Variants in RPH3AL observed in about 807,000 individuals in gnomAD.
RPH3AL encodes rabphilin 3A like (without C2 domains).
RPH3AL carries 38 observed loss-of-function variants against 43.1 expected under a neutral mutation model. The ratio of observed to expected loss-of-function variants is 0.88; its 90% CI spans 0.68 to 1.15. The LOEUF (loss-of-function observed/expected upper bound fraction) is 1.15. RPH3AL is among the 50% of genes most tolerant of loss of function. The pLI, the probability that RPH3AL is intolerant of heterozygous loss-of-function variation, is 0.00. For missense variants in RPH3AL, 462 were observed against 423.2 expected (o/e 1.09, Z -0.81); for synonymous variants, 189 against 176.3 (o/e 1.07, Z -0.57).
chr17:298,239 T>C (rs969086178), intron 5 of RPH3AL, among the ~76,000 whole-genome samples: 2 of 152,168 alleles, frequency 1.3e-5, no homozygotes, highest in African/African-American at 2.4e-5. Context: ...CAGCTCAGTG[T>C]GGGGTGCTGG....
chr17:292,638 C>T (rs889828898), intron 5 of RPH3AL, among the ~76,000 whole-genome samples: 1 of 152,146 alleles, frequency 6.6e-6, no homozygotes, highest in Non-Finnish European at 1.5e-5. Context: ...CTGGCTAGCA[C>T]ACTCTTGCAG....
intron 2 of RPH3AL, among the ~76,000 whole-genome samples, chr17:329,036 T>C (rs2044684081): frequency 6.6e-6 from 1 of 152,188 alleles, no homozygotes. Flanking sequence ...CGTAAAAATG[T>C]TCTGGATTAG....
chr17:315,057 A>T (rs1313050410), intron 5 of RPH3AL, among the ~76,000 whole-genome samples: 3 of 142,714 alleles, frequency 2.1e-5, no homozygotes, highest in South Asian at 2.3e-4. Flanking sequence ...ACCTCCACTG[A>T]ACTGTAGTCC....
intron 7 of RPH3AL, among the ~76,000 whole-genome samples, chr17:233,482 G>A (rs1423631976): frequency 6.6e-6 from 1 of 152,156 alleles, no homozygotes. Flanking sequence ...GTCACGTTGG[G>A]CCACCTCCAT....
At chr17:331,074 C>CGAGGGAGGG (rs1555527291) in intron 2 of RPH3AL, 2 of 95,358 alleles carry the variant, frequency 2.1e-5, no homozygotes, top group Non-Finnish European at 2.4e-5. Flanking sequence ...GCGAGGGAGG[C>CGAGGGAGGG]AAGCGAGGGA....
chr17:313,833 G>A (rs2043722626), intron 5 of RPH3AL, among the ~76,000 whole-genome samples: 1 of 152,074 alleles, frequency 6.6e-6, no homozygotes. Flanking sequence ...AAGGAAGAGT[G>A]AACCCTCCAA....
At chr17:231,597 C>T (rs937232346) in intron 7 of RPH3AL, among the ~76,000 whole-genome samples, 6 of 152,236 alleles carry the variant, frequency 3.9e-5, no homozygotes, top group African/African-American at 9.6e-5. Flanking sequence ...ACTTAGTCCC[C>T]GAGACAGGTG....
intron 7 of RPH3AL, among the ~76,000 whole-genome samples, chr17:239,562 T>C (rs2041479093): frequency 6.6e-6 from 1 of 152,180 alleles, no homozygotes; most frequent in Non-Finnish European, 1.5e-5. Flanking sequence ...TTTCAGTAAC[T>C]TTATAGTAAG....
rs374598837 is a variant in RPH3AL at position 258,277 on chromosome 17, C to T, written c.439-10992G>A. 3.9e-5 allele frequency among the ~76,000 whole-genome samples: 6 copies of T among 152,326 alleles called. No individual in the cohort carries two copies. The South Asian group carries it at 8.3e-4, about 21-fold the overall frequency. On this transcript the variant is annotated intron_variant, in intron 6 of 9. Transcript: ENST00000331302. Reference sequence around the variant, plus strand: ...CACCACTGTTTCTTCAAGCTCCTAGCACACGCCTCACACATCGTAGGTGTT... The same window carrying T: ...CACCACTGTTTCTTCAAGCTCCTAGTACACGCCTCACACATCGTAGGTGTT...
At chr17:285,424 G>A (rs1001840722) in intron 5 of RPH3AL, among the ~76,000 whole-genome samples, 4 of 152,180 alleles carry the variant, frequency 2.6e-5, no homozygotes, top group African/African-American at 9.7e-5. Flanking sequence ...GATCAACTGA[G>A]ACACAGGAAA....
In RPH3AL at chr17:215,047, G is replaced by A. The variant is rs796284574; in HGVS notation, c.876+607C>T. Among the ~76,000 whole-genome samples, 47 of 152,288 alleles carry A rather than the reference G, an allele frequency of 3.1e-4. No homozygotes were observed. Among genetic ancestry groups the A allele is most frequent in the East Asian group, 9.7e-4 (5 of 5,180 alleles). On this transcript the variant is annotated intron_variant, in intron 9 of 9. Transcript: ENST00000331302. The surrounding 1 kb of genome is among the most constrained non-coding windows in gnomAD (Gnocchi z 4.1). ...GGCTGCCGGGTGCCCTCCACACCCCGGGGACGGAGATCAGCTGCTGCCCTG... is the reference window on the plus strand; with the variant it reads ...GGCTGCCGGGTGCCCTCCACACCCCAGGGACGGAGATCAGCTGCTGCCCTG...
At chr17:258,402 G>A (rs2042116113) in intron 6 of RPH3AL, among the ~76,000 whole-genome samples, 1 of 152,220 alleles carries the variant, frequency 6.6e-6, no homozygotes, top group South Asian at 2.1e-4. Context: ...AGAAGCCTGG[G>A]TGTTTCACTC....
In RPH3AL at chr17:245,742, C is replaced by T. The variant is rs900043951; in HGVS notation, c.613+1369G>A. Among the ~76,000 whole-genome samples, 4 of 152,064 alleles carry T rather than the reference C, an allele frequency of 2.6e-5. No homozygotes were observed. The highest frequency in any genetic ancestry group is 6.5e-5 in the Admixed American group (1 of 15,274). ...GGACCGCCACTTCTCCAGCCAATCT[C>T]GGGCCACTCAGTTCCAGGCTGGGCA... On this transcript the variant is annotated intron_variant, in intron 7 of 9. Transcript: ENST00000331302. This position sits in a 1 kb window ranked among gnomAD's most constrained non-coding sequence, Gnocchi z 5.9.
rs1484039348 is a variant in RPH3AL at position 243,913 on chromosome 17, T to C, written c.613+3198A>G. Among the ~76,000 whole-genome samples the C allele has an allele frequency of 6.3e-5, 9 of 142,910 alleles. 1 individual carries two copies. In the South Asian group the frequency reaches 1.7e-3, roughly 27 times the overall value. The allele number at this position is 142,910 out of a possible 152,430, so 93.8% of individuals were successfully genotyped here. A position where few individuals can be genotyped will look rare whatever the true frequency, so the allele number is the denominator to read the frequency against. ...ACACTTCCTCTATTACCTTCCTCTA[T>C]TGATTACCTTCCTCTACTGATTACC... On this transcript the variant is annotated intron_variant, in intron 7 of 9. Transcript: ENST00000331302.
At chr17:315,903 A>C (rs867867193) in intron 5 of RPH3AL, among the ~76,000 whole-genome samples, 3 of 100,954 alleles carry the variant, frequency 3.0e-5, no homozygotes, top group Admixed American at 2.0e-4. Context: ...CTGTGACTCC[A>C]CCTCCACTGA....
intron 7 of RPH3AL, among the ~76,000 whole-genome samples, chr17:244,638 G>T (rs2041702505): frequency 6.6e-6 from 1 of 152,166 alleles, no homozygotes; most frequent in Non-Finnish European, 1.5e-5. Context: ...GGTTTTCACA[G>T]CCTCCGAGTA....
At chr17:313,904 C>T (rs997240862) in intron 5 of RPH3AL, among the ~76,000 whole-genome samples, 1 of 152,210 alleles carries the variant, frequency 6.6e-6, no homozygotes. Context: ...CCACCTCAAT[C>T]CTGGAACAAG....
In RPH3AL at chr17:219,493, G is replaced by A. The variant is rs188928487; in HGVS notation, c.727+130C>T. 1.6e-3 allele frequency: 883 copies of A among 556,096 alleles called. 7 individuals are homozygous for A. Among genetic ancestry groups the A allele is most frequent in the African/African-American group, 8.6e-3 (440 of 51,086 alleles). 34.4% of individuals were successfully genotyped at this position (556,096 alleles called of 1,614,324 possible). On this transcript the variant is annotated intron_variant, in intron 8 of 9. Transcript: ENST00000331302. ...ATTACAGACATAAGCCACTGTGCCC[G>A]GCCTAATAGTTTCATTTCTTTTCTT...
intron 6 of RPH3AL, among the ~76,000 whole-genome samples, chr17:277,386 C>T (rs2042678726): frequency 6.6e-6 from 1 of 152,078 alleles, no homozygotes; most frequent in Non-Finnish European, 1.5e-5. Flanking sequence ...GTAAATGTTC[C>T]TCAATGATCC....
Sources: gnomAD v4.1 joint callset for allele counts (sites outside exome capture counted in the v4.1 genomes callset) on GRCh38, gnomAD v4.1.1 for gene constraint, Gnocchi (gnomAD v3.1) non-coding constraint, MANE v1.5 for transcripts, NCBI Gene and HGNC (gene_info 2026-07-23, HGNC 2026-07-21) for gene names.